The following AKIRIN1 variants were observed in gnomAD, a reference collection of about 807,000 sequenced individuals.
AKIRIN1 encodes akirin-1.
AKIRIN1 carries 4 observed loss-of-function variants against 25.9 expected under a neutral mutation model. The observed-to-expected ratio is 0.15, with a 90% confidence interval of 0.08 to 0.35. The LOEUF is 0.35. AKIRIN1 is among the 10% of genes least tolerant of loss of function. AKIRIN1 has a pLI of 1.00. For synonymous variants in AKIRIN1, 125 were observed against 105.1 expected, an observed-to-expected ratio of 1.19 and a Z score of -1.16; for missense variants, 243 against 266.1, an observed-to-expected ratio of 0.91 and a Z score of 0.61.
At chr1:38,992,671 C>G (rs12044601) in intron 1 of AKIRIN1, among the ~76,000 whole-genome samples, 2 of 152,278 alleles carry the variant, frequency 1.3e-5, no homozygotes, top group South Asian at 4.1e-4. Context: ...ATCCTTAACT[C>G]GAGTTCACCT....
chr1:39,000,137 G>A (rs1643978086), intron 2 of AKIRIN1, among the ~76,000 whole-genome samples: 1 of 151,710 alleles, frequency 6.6e-6, no homozygotes, highest in African/African-American at 2.4e-5. Flanking sequence ...ACCCGTCTTG[G>A]CCTCCAAAGT....
At chr1:38,998,080 T>G (rs548393544) in intron 1 of AKIRIN1, 91 bp from the exon 2 acceptor site, 4 of 1,381,188 alleles carry the variant, frequency 2.9e-6, no homozygotes, top group Non-Finnish European at 3.9e-6. Context: ...TAAAGTCTAG[T>G]CAGAAGATCT....
chr1:39,000,982 G>T lies in AKIRIN1; in HGVS notation c.372G>T (p.Trp124Cys), dbSNP rs770804815. The change falls in exon 3 of 5, where the codon TGG becomes TGT. Residue 124 changes from tryptophan (W) to cysteine (C), a missense_variant. By Grantham distance (215) the Trp-to-Cys change is radical (BLOSUM62 -2). Transcript: ENST00000432648. ...LTAPSSPGSS[W>C]MKKDQPTFTL... ...TTTTCTTTTGGCCAGGTTCCTCATGGATGAAGAAGGACCAGCCCACATTTA... is the reference window on the plus strand; with the variant it reads ...TTTTCTTTTGGCCAGGTTCCTCATGTATGAAGAAGGACCAGCCCACATTTA... 38 of 1,611,542 alleles carry T rather than the reference G, an allele frequency of 2.4e-5. No individual in the cohort carries two copies. Among genetic ancestry groups the T allele is most frequent in the Non-Finnish European group, 3.0e-5 (35 of 1,179,110 alleles).
chr1:38,995,809 G>C (rs965475063), intron 1 of AKIRIN1, among the ~76,000 whole-genome samples: 3 of 152,170 alleles, frequency 2.0e-5, no homozygotes, highest in African/African-American at 7.2e-5. Context: ...GAGGCGGGCG[G>C]ATCAGCTGAG....
chr1:39,004,210 G>A lies in AKIRIN1; in HGVS notation c.*155G>A, dbSNP rs1401203386. 6.0e-6 allele frequency: 5 copies of A among 837,286 alleles called. No individual in the cohort carries two copies. The highest frequency in any genetic ancestry group is 3.8e-5 in the Admixed American group (2 of 51,950). The allele number at this position is 837,286 out of a possible 1,614,324, so 51.9% of individuals were successfully genotyped here. A position where few individuals can be genotyped will look rare whatever the true frequency, so the allele number is the denominator to read the frequency against. On this transcript the variant is annotated 3_prime_UTR_variant, in exon 5 of 5. Coordinates refer to ENST00000432648, the MANE Select transcript of AKIRIN1 (RefSeq NM_024595.3). ...TCCATTTTATACAACTTGAAAGACC[G>A]TAAAACTTTCTGGTTGCCACAAGCA... is the stretch of plus-strand genomic sequence containing the variant.
At chr1:38,999,196 G>A (rs1307088376) in intron 2 of AKIRIN1, among the ~76,000 whole-genome samples, 1 of 152,210 alleles carries the variant, frequency 6.6e-6, no homozygotes, top group Non-Finnish European at 1.5e-5. Flanking sequence ...TCCTTTAACA[G>A]TAGAAGAGTC....
chr1:39,000,828 G>A lies in AKIRIN1; in HGVS notation c.362-144G>A, dbSNP rs568764861. On this transcript the variant is annotated intron_variant, in intron 2 of 4. Transcript: ENST00000432648. Reference sequence around the variant, plus strand: ...TGCCCTACCACGCCCAGCTAATTTTGTATTTTTAGTAGAGACTGGGTTTCT... The same window carrying A: ...TGCCCTACCACGCCCAGCTAATTTTATATTTTTAGTAGAGACTGGGTTTCT... The A allele has an allele frequency of 4.5e-6, 4 of 887,218 alleles. No homozygotes were observed. In the South Asian group the frequency reaches 8.2e-5, roughly 18 times the overall value. The allele number at this position is 887,218 out of a possible 1,614,324, so 55.0% of individuals were successfully genotyped here. A position where few individuals can be genotyped will look rare whatever the true frequency, so the allele number is the denominator to read the frequency against.
At chr1:39,002,414 T>C (rs1240193511) in intron 3 of AKIRIN1, among the ~76,000 whole-genome samples, 2 of 152,166 alleles carry the variant, frequency 1.3e-5, no homozygotes, top group Non-Finnish European at 2.9e-5. Context: ...AGAACTACTT[T>C]GATCCTTTAA....
At chr1:39,001,780 C>G (rs1303460430) in intron 3 of AKIRIN1, among the ~76,000 whole-genome samples, 1 of 152,138 alleles carries the variant, frequency 6.6e-6, no homozygotes, top group East Asian at 1.9e-4. Flanking sequence ...TCAATGAAGG[C>G]ATTGAGTAGG....
intron 3 of AKIRIN1, among the ~76,000 whole-genome samples, chr1:39,002,943 A>G (rs1209951108): frequency 1.3e-5 from 2 of 152,208 alleles, no homozygotes; most frequent in Non-Finnish European, 2.9e-5. Context: ...GCCATCCCAC[A>G]CTTCTTCCAC....
chr1:38,992,803 TATC>T (rs1341856385), intron 1 of AKIRIN1, among the ~76,000 whole-genome samples: 1 of 152,144 alleles, frequency 6.6e-6, no homozygotes, highest in Non-Finnish European at 1.5e-5. Context: ...TCTGTGCCCT[TATC>T]ATGTTTTTCC....
intron 1 of AKIRIN1, among the ~76,000 whole-genome samples, chr1:38,997,246 T>G (rs1238328066): frequency 6.6e-6 from 1 of 152,192 alleles, no homozygotes; most frequent in Non-Finnish European, 1.5e-5. Context: ...GATTCTTTGT[T>G]GTTTCTAGGA....
chr1:38,994,708 A>T (rs1454402287), intron 1 of AKIRIN1, among the ~76,000 whole-genome samples: 8 of 25,124 alleles, frequency 3.2e-4, no homozygotes, highest in South Asian at 1.8e-3. Flanking sequence ...TTTTTTTTTG[A>T]GATGACGTTT....
rs1318815767 is a variant in AKIRIN1 at position 39,005,651 on chromosome 1, T to C, written c.*1596T>C. 6.6e-6 allele frequency: 1 copy of C among 152,166 alleles called. No individual in the cohort carries two copies. The highest frequency in any genetic ancestry group is 2.4e-5 in the African/African-American group (1 of 41,400). The allele number at this position is 152,166 out of a possible 1,614,324, so 9.4% of individuals were successfully genotyped here. A position where few individuals can be genotyped will look rare whatever the true frequency, so the allele number is the denominator to read the frequency against. On this transcript the variant is annotated 3_prime_UTR_variant, in exon 5 of 5. Transcript: ENST00000432648. ...TTTAATTAGGGCTTATTTTGAAAAA[T>C]TCTGAGTTTAATTCAAATGTATGCC...
At position 39,001,011 on chromosome 1, in the gene AKIRIN1, T is replaced by G. The variant is rs768844609; in HGVS notation, c.401T>G (p.Leu134Arg). ...WMKKDQPTFT[L>R]RQVGIICERL... Reference sequence around the variant, plus strand: ...AAGAAGGACCAGCCCACATTTACCCTCCGACAAGTTGGCATAATATGTGAG... The same window carrying G: ...AAGAAGGACCAGCCCACATTTACCCGCCGACAAGTTGGCATAATATGTGAG... The change falls in exon 3 of 5, where the codon CTC becomes CGC. Residue 134 changes from leucine (L) to arginine (R), a missense_variant. By Grantham distance (102) the Leu-to-Arg change is moderately radical. Coordinates refer to ENST00000432648, the MANE Select transcript of AKIRIN1 (RefSeq NM_024595.3). 6.2e-7 allele frequency: 1 copy of G among 1,613,670 alleles called. No homozygotes were observed. The highest frequency in any genetic ancestry group is 8.5e-7 in the Non-Finnish European group (1 of 1,179,854).
At position 39,004,209 on chromosome 1, in the gene AKIRIN1, C is replaced by T. The variant is rs11547140; in HGVS notation, c.*154C>T. ...GTCCATTTTATACAACTTGAAAGACCGTAAAACTTTCTGGTTGCCACAAGC... is the reference window on the plus strand; with the variant it reads ...GTCCATTTTATACAACTTGAAAGACTGTAAAACTTTCTGGTTGCCACAAGC... On this transcript the variant is annotated 3_prime_UTR_variant, in exon 5 of 5. Transcript: ENST00000432648. 1.3e-5 allele frequency: 11 copies of T among 839,834 alleles called. No individual in the cohort carries two copies. The highest frequency in any genetic ancestry group is 5.0e-5 in the East Asian group (2 of 39,900). The allele number at this position is 839,834 out of a possible 1,614,324, so 52.0% of individuals were successfully genotyped here. A position where few individuals can be genotyped will look rare whatever the true frequency, so the allele number is the denominator to read the frequency against.
intron 2 of AKIRIN1, among the ~76,000 whole-genome samples, 159 bp from the exon 3 acceptor site, chr1:39,000,813 C>T (rs1217395939): frequency 2.0e-5 from 3 of 151,898 alleles, no homozygotes; most frequent in Admixed American, 6.6e-5. Flanking sequence ...TGCCCTACCA[C>T]GCCCAGCTAA....
intron 3 of AKIRIN1, among the ~76,000 whole-genome samples, 155 bp downstream of exon 3, chr1:39,001,261 A>G (rs1026405376): frequency 2.0e-5 from 3 of 147,460 alleles, no homozygotes; most frequent in African/African-American, 7.5e-5. Context: ...TAAACACATC[A>G]TTTATACATT....
chr1:38,991,605 C>T lies in AKIRIN1; in HGVS notation c.220+5C>T, dbSNP rs754167530. ...AGCGGCGCCTTCCAACTCCGGGTAA[C>T]CTGCCCTGCTCTGGGTTTGGCAGGA... On this transcript the variant is annotated splice_donor_5th_base_variant and intron_variant, in intron 1 of 4. Coordinates refer to ENST00000432648, the MANE Select transcript of AKIRIN1 (RefSeq NM_024595.3). The T allele has an allele frequency of 1.5e-6, 2 of 1,312,150 alleles. No homozygotes were observed. Among genetic ancestry groups the T allele is most frequent in the Non-Finnish European group, 1.9e-6 (2 of 1,031,204 alleles). The allele number at this position is 1,312,150 out of a possible 1,614,324, so 81.3% of individuals were successfully genotyped here.
Sources: allele counts gnomAD v4.1 joint callset (sites outside exome capture counted in the v4.1 genomes callset), GRCh38; gene constraint gnomAD v4.1.1; transcripts MANE v1.5; gene names NCBI Gene and HGNC (gene_info 2026-07-23, HGNC 2026-07-21).